DPP4: variants seen among roughly 807,000 people sequenced by gnomAD.
The protein encoded by DPP4 is dipeptidyl peptidase 4.
In DPP4, 93 loss-of-function variants were observed where a neutral mutation model predicts 122.4. That is an observed-to-expected ratio of 0.76 (90% CI 0.64 to 0.90). DPP4 has a LOEUF of 0.90. Among genes scored for constraint, DPP4 ranks in the 40% least tolerant of loss-of-function variants. The probability of loss-of-function intolerance (pLI) is 0.00; values close to 1 mark genes in which losing one functional copy is unlikely to be tolerated. For synonymous variants in DPP4, 321 were observed against 302.9 expected (o/e 1.06, Z -0.62); for missense variants, 914 against 907.3 (o/e 1.01, Z -0.09).
chr2:162,032,468 ATGAGTC>A (rs929155557), intron 10 of DPP4, among the ~76,000 whole-genome samples: 1 of 152,134 alleles, frequency 6.6e-6, no homozygotes, highest in African/African-American at 2.4e-5. Context: ...CGGGCAGATC[ATGAGTC>A]AGGAGTTCGA....
intron 2 of DPP4, among the ~76,000 whole-genome samples, chr2:162,050,219 C>T (rs1193975131): frequency 6.6e-5 from 10 of 152,154 alleles, no homozygotes; most frequent in Admixed American, 5.2e-4. Flanking sequence ...TTGAAAAATA[C>T]TATTAAGGAG....
chr2:162,029,061 T>C (rs1683449858), intron 10 of DPP4, among the ~76,000 whole-genome samples: 1 of 152,214 alleles, frequency 6.6e-6, no homozygotes, highest in Non-Finnish European at 1.5e-5. Context: ...AGCTTGTGTG[T>C]AAACTAAATT....
chr2:162,052,371 C>T lies in DPP4; in HGVS notation c.95-4870G>A, dbSNP rs1212892937. ...GAGGACAGGGGCGCTGGAGGGAACT[C>T]GCTGCTGCCTTTGTGACCCTCTACC... On this transcript the variant is annotated intron_variant, in intron 2 of 25. Transcript: ENST00000360534. Among the ~76,000 whole-genome samples, 6 of 150,518 alleles carry T rather than the reference C, an allele frequency of 4.0e-5. 1 individual carries two copies. The highest frequency in any genetic ancestry group is 1.3e-4 in the Admixed American group (2 of 15,094).
intron 5 of DPP4, among the ~76,000 whole-genome samples, chr2:162,043,816 A>G (rs1214833021): frequency 6.6e-6 from 1 of 152,070 alleles, no homozygotes; most frequent in Non-Finnish European, 1.5e-5. Context: ...TCGTTTGAGG[A>G]CAGGAGTTTG....
rs147827422 is a variant in DPP4, at chr2:162,021,031, T to G, written c.1069-343A>C. 3.6e-4 allele frequency among the ~76,000 whole-genome samples: 55 copies of G among 152,296 alleles called. 1 individual carries two copies. The East Asian group carries it at 0.011, about 29-fold the overall frequency. Reference sequence around the variant, plus strand: ...AGCACCTGGAAAATAGCATTAACCTTTCAGTTTGGAGCAGTAAATTTCCTC... The same window carrying G: ...AGCACCTGGAAAATAGCATTAACCTGTCAGTTTGGAGCAGTAAATTTCCTC... On this transcript the variant is annotated intron_variant, in intron 12 of 25. Coordinates refer to ENST00000360534, the MANE Select transcript of DPP4 (RefSeq NM_001935.4).
intron 5 of DPP4, among the ~76,000 whole-genome samples, chr2:162,041,767 AT>A (rs1410516246): frequency 6.6e-6 from 1 of 152,192 alleles, no homozygotes; most frequent in Non-Finnish European, 1.5e-5. Context: ...TGTTCACTTC[AT>A]CTTTTGAAAC....
chr2:162,047,330 A>G (rs1321462253), intron 3 of DPP4, 73 bp downstream of exon 3: 1 of 865,116 alleles, frequency 1.2e-6, no homozygotes, highest in African/African-American at 1.7e-5. Flanking sequence ...TCTCAGTGCC[A>G]TAAAAGCCCA....
At chr2:162,067,663 G>A (rs1684991536) in intron 2 of DPP4, among the ~76,000 whole-genome samples, 1 of 143,320 alleles carries the variant, frequency 7.0e-6, no homozygotes, top group African/African-American at 2.5e-5. Flanking sequence ...TACAATGCTT[G>A]GCAAATAATA....
intron 23 of DPP4, among the ~76,000 whole-genome samples, chr2:161,995,673 C>G (rs1700982646): frequency 6.6e-6 from 1 of 152,154 alleles, no homozygotes; most frequent in South Asian, 2.1e-4. Context: ...TGGCTGTGTC[C>G]TATGCATTAG....
In DPP4 at chr2:162,020,690, T is replaced by C; in HGVS notation, c.1069-2A>G. On this transcript the variant is annotated splice_acceptor_variant, in intron 12 of 25. Transcript: ENST00000360534. LOFTEE classifies it high-confidence loss of function. The stretch of plus-strand genomic sequence containing the variant: ...AAAATGAGGTTCTGAAGGCCTAAAC[T>C]AGAAAATAATAGAGAACAAAAGAAC... 2.5e-6 allele frequency: 4 copies of C among 1,590,552 alleles called. No individual in the cohort carries two copies. The highest frequency in any genetic ancestry group is 4.5e-5 in the East Asian group (2 of 44,716).
rs969188626 is a variant in DPP4 at position 162,019,413 on chromosome 2, C to G, written c.1245-137G>C. The G allele has an allele frequency of 1.8e-5, 10 of 556,908 alleles. No homozygotes were observed. In the Admixed American group the frequency reaches 3.0e-4, roughly 17 times the overall value. 34.5% of individuals were successfully genotyped at this position (556,908 alleles called of 1,614,324 possible). ...GCCCGCCGCCCTCCGCCATCGCTTC[C>G]GTGTCCCTCACCCCCGAGAAGCCAT... On this transcript the variant is annotated intron_variant, in intron 14 of 25. Transcript: ENST00000360534.
chr2:162,020,494 C>A, intron 13 of DPP4, 87 bp downstream of exon 13: 4 of 1,099,590 alleles, frequency 3.6e-6, no homozygotes, highest in Non-Finnish European at 5.2e-6. Flanking sequence ...ACACATTGAT[C>A]CACCTTACCA....
chr2:162,036,047 C>T (rs553942528), intron 8 of DPP4, among the ~76,000 whole-genome samples: 3 of 152,248 alleles, frequency 2.0e-5, no homozygotes, highest in Non-Finnish European at 4.4e-5. Flanking sequence ...AAAGATAGCT[C>T]TTCCCTATGA....
In DPP4 at chr2:162,072,520, T is replaced by C. The variant is rs1213507502; in HGVS notation, c.94+879A>G. ...TAAAATCTAGATAAGACTCCTTGAGTATGCAAGCACTGACTATACATTCCT... is the reference window on the plus strand; with the variant it reads ...TAAAATCTAGATAAGACTCCTTGAGCATGCAAGCACTGACTATACATTCCT... On this transcript the variant is annotated intron_variant, in intron 2 of 25. Coordinates refer to ENST00000360534, the MANE Select transcript of DPP4 (RefSeq NM_001935.4). Among the ~76,000 whole-genome samples the C allele has an allele frequency of 2.0e-5, 3 of 152,326 alleles. No homozygotes were observed. In the East Asian group the frequency reaches 5.8e-4, roughly 29 times the overall value.
At chr2:162,036,465 A>G (rs547437357) in intron 8 of DPP4, among the ~76,000 whole-genome samples, 1 of 152,332 alleles carries the variant, frequency 6.6e-6, no homozygotes, top group South Asian at 2.1e-4. Context: ...AACCCATTGT[A>G]TTGATAAAGT....
chr2:162,024,978 T>G, intron 10 of DPP4, 39 bp from the exon 11 acceptor site: 2 of 1,603,878 alleles, frequency 1.2e-6, no homozygotes, highest in South Asian at 1.1e-5. Flanking sequence ...AGAGAGAGAA[T>G]GAACATGACT....
intron 15 of DPP4, 115 bp from the exon 16 acceptor site, chr2:162,018,965 G>GA: frequency 7.4e-7 from 1 of 1,358,256 alleles, no homozygotes; most frequent in Non-Finnish European, 1.0e-6. Context: ...CAATCTTTAG[G>GA]ACTTTTTTTT....
chr2:162,030,716 G>A lies in DPP4; in HGVS notation c.887+2825C>T, dbSNP rs574266436. ...AACCGCAACCTTACCAGTGTTAACA[G>A]AGACCAGAGCTATATTTTAACCGCA... is the stretch of plus-strand genomic sequence containing the variant. On this transcript the variant is annotated intron_variant, in intron 10 of 25. Transcript: ENST00000360534. Among the ~76,000 whole-genome samples the A allele has an allele frequency of 2.6e-5, 4 of 152,254 alleles. No homozygotes were observed. In the East Asian group the frequency reaches 5.8e-4, roughly 22 times the overall value.
intron 8 of DPP4, among the ~76,000 whole-genome samples, chr2:162,036,042 T>C (rs1683757998): frequency 6.6e-6 from 1 of 152,332 alleles, no homozygotes; most frequent in African/African-American, 2.4e-5. Context: ...CTGGCAAAGA[T>C]AGCTCTTCCC....
Sources: allele counts gnomAD v4.1 joint callset (sites outside exome capture counted in the v4.1 genomes callset), GRCh38; gene constraint gnomAD v4.1.1; transcripts MANE v1.5; gene names NCBI Gene and HGNC (gene_info 2026-07-23, HGNC 2026-07-21).